The following ZNF804A variants were observed in gnomAD, a reference collection of about 807,000 sequenced individuals.
ZNF804A encodes zinc finger protein 804A.
ZNF804A carries 2 observed loss-of-function variants against 16.5 expected under a neutral mutation model. The ratio of observed to expected loss-of-function variants is 0.12; its 90% CI spans 0.05 to 0.38. The LOEUF is 0.38. Among genes scored for constraint, ZNF804A ranks in the 10% least tolerant of loss-of-function variants. The probability of loss-of-function intolerance (pLI) is 0.99; values close to 1 mark genes in which losing one functional copy is unlikely to be tolerated. For synonymous variants in ZNF804A, 534 were observed against 489.6 expected (o/e 1.09, Z -1.20); for missense variants, 1,473 against 1,390.7 (o/e 1.06, Z -0.94).
At chr2:184,826,265 TTTTG>T (rs1410037393) in intron 1 of ZNF804A, among the ~76,000 whole-genome samples, 5 of 152,138 alleles carry the variant, frequency 3.3e-5, no homozygotes, top group Admixed American at 3.3e-4. Flanking sequence ...TTAACAGCTT[TTTTG>T]TTCTTTAAAA....
intron 2 of ZNF804A, among the ~76,000 whole-genome samples, chr2:184,874,255 T>C (rs1424774854): frequency 6.6e-6 from 1 of 152,142 alleles, no homozygotes; most frequent in South Asian, 2.1e-4. Context: ...TGATGTAGGA[T>C]GATGGGATAC....
At chr2:184,813,889 T>C (rs781214212) in intron 1 of ZNF804A, among the ~76,000 whole-genome samples, 12 of 151,938 alleles carry the variant, frequency 7.9e-5, no homozygotes, top group Non-Finnish European at 1.5e-4. Context: ...AAGCTCTTCT[T>C]TGATTGTCTC....
intron 1 of ZNF804A, among the ~76,000 whole-genome samples, chr2:184,762,422 T>A (rs990149568): frequency 6.6e-6 from 1 of 151,980 alleles, no homozygotes; most frequent in Non-Finnish European, 1.5e-5. Context: ...TGTATACATA[T>A]CTTTCAAGAA....
chr2:184,656,839 C>T (rs1402656926), intron 1 of ZNF804A, among the ~76,000 whole-genome samples: 2 of 151,896 alleles, frequency 1.3e-5, no homozygotes, highest in Non-Finnish European at 2.9e-5. Flanking sequence ...TCCAGGTGGT[C>T]TGTTGGGAGC....
intron 2 of ZNF804A, among the ~76,000 whole-genome samples, chr2:184,866,725 TA>T (rs1379031552): frequency 2.7e-5 from 4 of 150,524 alleles, no homozygotes; most frequent in African/African-American, 9.7e-5. Context: ...AAGTCTGAAA[TA>T]ATCAACATAA....
intron 2 of ZNF804A, among the ~76,000 whole-genome samples, chr2:184,870,619 A>C (rs1397624053): frequency 6.6e-6 from 1 of 152,082 alleles, no homozygotes; most frequent in African/African-American, 2.4e-5. Context: ...TTTCTTAAAA[A>C]AATACACAAT....
chr2:184,695,525 G>T (rs1422811732), intron 1 of ZNF804A, among the ~76,000 whole-genome samples: 1 of 149,238 alleles, frequency 6.7e-6, no homozygotes, highest in African/African-American at 2.5e-5. Flanking sequence ...TAAGAGACAG[G>T]GTCTCACTCT....
chr2:184,657,193 C>A (rs935116797), intron 1 of ZNF804A, among the ~76,000 whole-genome samples: 1 of 152,080 alleles, frequency 6.6e-6, no homozygotes, highest in Non-Finnish European at 1.5e-5. Flanking sequence ...TCAATTGATT[C>A]TCCCACTTCA....
At chr2:184,779,836 A>T (rs1694346926) in intron 1 of ZNF804A, among the ~76,000 whole-genome samples, 1 of 151,748 alleles carries the variant, frequency 6.6e-6, no homozygotes, top group South Asian at 2.1e-4. Context: ...TAGAGATGTC[A>T]GATAATGAAT....
intron 1 of ZNF804A, among the ~76,000 whole-genome samples, chr2:184,649,831 C>CAAAAAAAAAAAAA (rs57435962): frequency 1.5e-5 from 2 of 130,616 alleles, no homozygotes; most frequent in African/African-American, 2.8e-5. Flanking sequence ...ACAAATCAAC[C>CAAAAAAAAAAAAA]AAAAAAAAAA....
At chr2:184,812,904 T>C (rs1284979932) in intron 1 of ZNF804A, among the ~76,000 whole-genome samples, 1 of 152,038 alleles carries the variant, frequency 6.6e-6, no homozygotes, top group Non-Finnish European at 1.5e-5. Flanking sequence ...AAATAAATAA[T>C]GAAATAATAA....
At chr2:184,642,259 G>C (rs991488101) in intron 1 of ZNF804A, among the ~76,000 whole-genome samples, 3 of 152,116 alleles carry the variant, frequency 2.0e-5, no homozygotes, top group Non-Finnish European at 4.4e-5. Flanking sequence ...ATGACCTACT[G>C]AGAGTAACAC....
chr2:184,930,586 T>C (rs555212574), intron 2 of ZNF804A, among the ~76,000 whole-genome samples: 1 of 152,348 alleles, frequency 6.6e-6, no homozygotes, highest in East Asian at 1.9e-4. Context: ...GTGTTATATG[T>C]CATTTGAGCT....
chr2:184,902,250 A>T (rs1685197063), intron 2 of ZNF804A: 1 of 163,418 alleles, frequency 6.1e-6, no homozygotes, highest in Non-Finnish European at 1.4e-5. Flanking sequence ...AGTCAGTTTG[A>T]TCTTGTGCTT....
intron 1 of ZNF804A, among the ~76,000 whole-genome samples, chr2:184,777,651 C>T (rs191242669): frequency 6.6e-6 from 1 of 151,616 alleles, no homozygotes; most frequent in Admixed American, 6.6e-5. Context: ...AAATAAGCTC[C>T]ATATATCTGT....
chr2:184,811,296 A>G (rs1694895409), intron 1 of ZNF804A, among the ~76,000 whole-genome samples: 1 of 152,214 alleles, frequency 6.6e-6, no homozygotes, highest in African/African-American at 2.4e-5. Flanking sequence ...TTATAGTGTC[A>G]GTAGCCTTGC....
chr2:184,697,482 AATTTG>A (rs1187798467), intron 1 of ZNF804A, among the ~76,000 whole-genome samples: 1 of 152,050 alleles, frequency 6.6e-6, no homozygotes, highest in Non-Finnish European at 1.5e-5. Context: ...CTAATCCTAT[AATTTG>A]ATTTAATTTA....
intron 1 of ZNF804A, among the ~76,000 whole-genome samples, chr2:184,665,940 A>G (rs1205155486): frequency 1.3e-5 from 2 of 152,188 alleles, no homozygotes; most frequent in African/African-American, 2.4e-5. Context: ...TTAAGGACTC[A>G]GGTAATTACA....
chr2:184,895,088 C>A (rs1361193784), intron 2 of ZNF804A, among the ~76,000 whole-genome samples: 1 of 152,042 alleles, frequency 6.6e-6, no homozygotes, highest in Non-Finnish European at 1.5e-5. Flanking sequence ...TTCATACCAA[C>A]CTTCTCTCTG....
Sources: gnomAD v4.1 joint callset for allele counts (sites outside exome capture counted in the v4.1 genomes callset) on GRCh38, gnomAD v4.1.1 for gene constraint, MANE v1.5 for transcripts, NCBI Gene and HGNC (gene_info 2026-07-23, HGNC 2026-07-21) for gene names.